The following KCNB2 variants were observed in gnomAD, a reference collection of about 807,000 sequenced individuals.
KCNB2 encodes delayed rectifier potassium channel protein.
KCNB2 carries 15 observed loss-of-function variants against 61.5 expected under a neutral mutation model. The observed-to-expected ratio is 0.24, with a 90% CI of 0.16 to 0.38. The LOEUF (loss-of-function observed/expected upper bound fraction) is 0.38, where lower values mean the gene tolerates loss of function less well. KCNB2 is among the 10% of genes least tolerant of loss of function. KCNB2 has a pLI of 1.00. For synonymous variants in KCNB2, 457 were observed against 446.0 expected (o/e 1.02, Z -0.31); for missense variants, 828 against 1,125.2 (o/e 0.74, Z 3.78).
In KCNB2 at chr8:72,597,001, C is replaced by CTT. The variant is rs869160203; in HGVS notation, c.579+28728_579+28729dup. Among the ~76,000 whole-genome samples, 31 of 64,658 alleles carry CTT rather than the reference C, an allele frequency of 4.8e-4. 2 individuals are homozygous for CTT. The highest frequency in any genetic ancestry group is 5.7e-4 in the Non-Finnish European group (22 of 38,532). 42.4% of individuals were successfully genotyped at this position (64,658 alleles called of 152,430 possible). On this transcript the variant is annotated intron_variant, in intron 2 of 2. Transcript: ENST00000523207. The stretch of plus-strand genomic sequence containing the variant: ...GCATGCTTGCTTGCTTGCTTGCTTG[C>CTT]TTTTTTTTTTTTTTTTTTTTTTTTT...
intron 2 of KCNB2, among the ~76,000 whole-genome samples, chr8:72,717,130 G>A (rs1213940261): frequency 6.6e-6 from 1 of 152,150 alleles, no homozygotes; most frequent in Non-Finnish European, 1.5e-5. Flanking sequence ...TCTTCAAGGA[G>A]AACTACAAAT....
Position 72,729,655 on chromosome 8 carries a change from G to A in KCNB2, c.579+161342G>A, listed in dbSNP as rs113363050. On this transcript the variant is annotated intron_variant, in intron 2 of 2. Coordinates refer to ENST00000523207, the MANE Select transcript of KCNB2 (RefSeq NM_004770.3). ...TCCCAGCATTTTGGGAGGCCAACAC[G>A]GGTGGATCACCTGAGGTCAGGAGTT... 1.6e-3 allele frequency among the ~76,000 whole-genome samples: 244 copies of A among 152,270 alleles called. 2 individuals are homozygous for A. Among genetic ancestry groups the A allele is most frequent in the African/African-American group, 5.6e-3 (231 of 41,552 alleles).
intron 2 of KCNB2, among the ~76,000 whole-genome samples, chr8:72,675,799 G>T (rs13248493): frequency 0.41 from 62,220 of 151,846 alleles, 15,120 homozygotes; most frequent in Non-Finnish European, 0.56. Context: ...TGATCCTCCC[G>T]CCTCGGCCTC....
rs530363696 is a variant in KCNB2, at chr8:72,591,296, C to A, written c.579+22983C>A. 1.2e-4 allele frequency among the ~76,000 whole-genome samples: 18 copies of A among 152,234 alleles called. 1 individual carries two copies. The South Asian group carries it at 3.7e-3, about 32-fold the overall frequency. On this transcript the variant is annotated intron_variant, in intron 2 of 2. Transcript: ENST00000523207. ...TCAAATAAGCACAGATTTCTATAGT[C>A]AGACACTGATCTGCTTCTTTCAGGG...
chr8:72,882,475 T>C (rs1805729095), intron 2 of KCNB2, among the ~76,000 whole-genome samples: 1 of 150,954 alleles, frequency 6.6e-6, no homozygotes, highest in South Asian at 2.1e-4. Context: ...AAAGCTGACA[T>C]GTCAGGTCTG....
At chr8:72,838,174 T>C (rs1809815363) in intron 2 of KCNB2, among the ~76,000 whole-genome samples, 1 of 152,222 alleles carries the variant, frequency 6.6e-6, no homozygotes, top group African/African-American at 2.4e-5. Flanking sequence ...TGCAGGTTTG[T>C]TACATAGCTG....
chr8:72,686,609 G>A (rs944820865), intron 2 of KCNB2, among the ~76,000 whole-genome samples: 45 of 152,272 alleles, frequency 3.0e-4, no homozygotes, highest in Admixed American at 2.8e-3. Flanking sequence ...AAATCATCTT[G>A]CCAGCATAGT....
At chr8:72,660,198 G>T (rs2128987220) in intron 2 of KCNB2, among the ~76,000 whole-genome samples, 1 of 152,238 alleles carries the variant, frequency 6.6e-6, no homozygotes, top group East Asian at 1.9e-4. Context: ...AAGGATGCTT[G>T]TTAAAGGAGA....
At position 72,938,029 on chromosome 8, in the gene KCNB2, C is replaced by G. The variant is rs767711810; in HGVS notation, c.2674C>G (p.Pro892Ala). The G allele has an allele frequency of 6.2e-7, 1 of 1,613,936 alleles. No individual in the cohort carries two copies. The highest frequency in any genetic ancestry group is 2.2e-5 in the East Asian group (1 of 44,852). The change falls in exon 3 of 3, where the codon CCA (proline) becomes GCA (alanine). Residue 892 changes from proline (P) to alanine (A), a missense_variant. Physicochemically the swap from Pro to Ala is conservative, Grantham distance 27 (BLOSUM62 -1). Coordinates refer to ENST00000523207, the MANE Select transcript of KCNB2 (RefSeq NM_004770.3). The stretch of plus-strand genomic sequence containing the variant: ...CAAGATGGAAAATCACTTGTTTGCC[C>G]CAGAAATTCATTCCAACCCAGGAGA... ...GCKMENHLFAPEIHSNPGDTG... is the reference protein window; with the variant it reads ...GCKMENHLFAAEIHSNPGDTG...
intron 1 of KCNB2, among the ~76,000 whole-genome samples, chr8:72,552,380 A>T (rs1192737242): frequency 6.6e-6 from 1 of 152,232 alleles, no homozygotes; most frequent in Non-Finnish European, 1.5e-5. Context: ...CCAATACAGT[A>T]GTCACTAGCC....
chr8:72,935,260 G>T (rs1806875072), intron 2 of KCNB2, among the ~76,000 whole-genome samples: 1 of 152,112 alleles, frequency 6.6e-6, no homozygotes, highest in Non-Finnish European at 1.5e-5. Flanking sequence ...GCCCTGCACT[G>T]AAATCATCAT....
At chr8:72,701,541 A>G (rs17764575) in intron 2 of KCNB2, among the ~76,000 whole-genome samples, 1,874 of 72,500 alleles carry the variant, frequency 0.026, 20 homozygotes, top group Non-Finnish European at 0.034. Flanking sequence ...CCCTTTATGT[A>G]GATTTTTTTA....
At chr8:72,821,652 A>C (rs867469668) in intron 2 of KCNB2, among the ~76,000 whole-genome samples, 1,525 of 149,594 alleles carry the variant, frequency 0.01, 29 homozygotes, top group Middle Eastern at 0.031. Context: ...AAAAAAAAAA[A>C]AAAAAAAACA....
rs1468934677 is a variant in KCNB2 at position 72,636,246 on chromosome 8, C to T, written c.579+67933C>T. On this transcript the variant is annotated intron_variant, in intron 2 of 2. Transcript: ENST00000523207. The stretch of plus-strand genomic sequence containing the variant: ...CATGGTTTTAGTTAAGCTGAAATAA[C>T]AGTTTATGTGAAAGAGTCCAGCAAT... Among the ~76,000 whole-genome samples the T allele has an allele frequency of 2.0e-5, 3 of 152,236 alleles. No individual in the cohort carries two copies. The East Asian group carries it at 5.8e-4, about 29-fold the overall frequency.
At chr8:72,746,946 AT>A (rs1469643208) in intron 2 of KCNB2, among the ~76,000 whole-genome samples, 1 of 152,134 alleles carries the variant, frequency 6.6e-6, no homozygotes, top group African/African-American at 2.4e-5. Flanking sequence ...GGTTTTTCTG[AT>A]CACAATTCCT....
chr8:72,691,483 G>C (rs1201826788), intron 2 of KCNB2, among the ~76,000 whole-genome samples: 1 of 152,172 alleles, frequency 6.6e-6, no homozygotes, highest in Non-Finnish European at 1.5e-5. Context: ...GAATGTAACT[G>C]GTAGTTTTTT....
intron 2 of KCNB2, among the ~76,000 whole-genome samples, chr8:72,858,458 C>G (rs756768642): frequency 5.3e-5 from 8 of 152,084 alleles, no homozygotes; most frequent in Non-Finnish European, 8.8e-5. Flanking sequence ...CAAGGAGTAA[C>G]TTTGACTCTC....
chr8:72,735,499 A>G (rs1003855204), intron 2 of KCNB2, among the ~76,000 whole-genome samples: 9 of 152,178 alleles, frequency 5.9e-5, no homozygotes, highest in East Asian at 1.9e-4. Flanking sequence ...GTAACAAGGT[A>G]TTGTCTAGAT....
chr8:72,725,615 A>ATGTATGTGTG (rs1807637364), intron 2 of KCNB2, among the ~76,000 whole-genome samples: 2 of 141,962 alleles, frequency 1.4e-5, no homozygotes, highest in African/African-American at 5.3e-5. Context: ...ATATATATAT[A>ATGTATGTGTG]TATATATGCA....
Sources: allele counts gnomAD v4.1 joint callset (sites outside exome capture counted in the v4.1 genomes callset), GRCh38; gene constraint gnomAD v4.1.1; transcripts MANE v1.5; gene names NCBI Gene and HGNC (gene_info 2026-07-23, HGNC 2026-07-21).